Variants in HNRNPF observed in about 807,000 individuals in gnomAD.
HNRNPF encodes the protein heterogeneous nuclear ribonucleoprotein F.
Under a neutral mutation model 26.0 loss-of-function variants are expected in HNRNPF, and 2 were observed. The observed-to-expected ratio is 0.08, with a 90% CI of 0.03 to 0.24. HNRNPF has a LOEUF of 0.24. HNRNPF is among the 10% of genes least tolerant of loss of function. The pLI is 1.00. For synonymous variants in HNRNPF, 234 were observed against 211.5 expected (o/e 1.11, Z -0.92); for missense variants, 299 against 539.2 (o/e 0.55, Z 4.41).
rs60717059 is a variant in HNRNPF, at chr10:43,393,596, CAA to C, written c.-53+1032_-53+1033del. 2.1e-3 allele frequency among the ~76,000 whole-genome samples: 303 copies of C among 140,992 alleles called. 1 individual carries two copies. Among genetic ancestry groups the C allele is most frequent in the African/African-American group, 6.5e-3 (253 of 39,136 alleles). 92.5% of individuals were successfully genotyped at this position (140,992 alleles called of 152,430 possible). ...AGGCAACAGGAGCAAAACTCCATCT[CAA>C]AAAAAAAAAAAAGTTTTCCAAGCAC... On this transcript the variant is annotated intron_variant, in intron 3 of 3. Transcript: ENST00000682386.
intron 3 of HNRNPF, among the ~76,000 whole-genome samples, chr10:43,388,291 C>T (rs184187276): frequency 2.0e-5 from 3 of 152,276 alleles, no homozygotes; most frequent in Non-Finnish European, 2.9e-5. Flanking sequence ...CTAAACTATA[C>T]GCCTTACATT....
In HNRNPF at chr10:43,399,476, T is replaced by C. The variant is rs905190383; in HGVS notation, c.-246-2886A>G. On this transcript the variant is annotated intron_variant, in intron 1 of 3. Transcript: ENST00000682386. ...AAGACTTGAGCCAGGGGTTGTATTGTGCAACTGCAGCTAGGTCTGAGATCA... is the reference window on the plus strand; with the variant it reads ...AAGACTTGAGCCAGGGGTTGTATTGCGCAACTGCAGCTAGGTCTGAGATCA... 7.9e-5 allele frequency among the ~76,000 whole-genome samples: 12 copies of C among 152,336 alleles called. No individual in the cohort carries two copies. The East Asian group carries it at 1.5e-3, about 20-fold the overall frequency.
Position 43,387,321 on chromosome 10 carries a change from C to T in HNRNPF, c.564G>A (p.Gln188=), listed in dbSNP as rs757176283. The T allele has an allele frequency of 4.3e-6, 7 of 1,614,236 alleles. No homozygotes were observed. In the South Asian group the frequency reaches 7.7e-5, roughly 18 times the overall value. Reference sequence around the variant, plus strand: ...GATCTGAGTATGACCTAACTTCCTCCTGGCTGCTCTTAAACACCTCAATGT... The same window carrying T: ...GATCTGAGTATGACCTAACTTCCTCTTGGCTGCTCTTAAACACCTCAATGT... The part of the protein sequence containing the change: ...HRYIEVFKSS[Q]EEVRSYSDPP... The change falls in exon 4 of 4, where the codon CAG becomes CAA. Residue 188 remains glutamine, a synonymous_variant. Coordinates refer to ENST00000682386, the MANE Select transcript of HNRNPF (RefSeq NM_001098204.2). This position sits in a 1 kb window ranked among gnomAD's most constrained non-coding sequence, Gnocchi z 6.0.
chr10:43,398,343 TG>T lies in HNRNPF; in HGVS notation c.-246-1754del, dbSNP rs1490280357. On this transcript the variant is annotated intron_variant, in intron 1 of 3. Coordinates refer to ENST00000682386, the MANE Select transcript of HNRNPF (RefSeq NM_001098204.2). The stretch of plus-strand genomic sequence containing the variant: ...CGGCCTGTTTGGAGTTTGTTGTTGT[TG>T]TTTTTTTTTTTTTTTGAGAGACAGT... Among the ~76,000 whole-genome samples the T allele has an allele frequency of 8.1e-3, 941 of 116,068 alleles. 8 individuals are homozygous for T. Among genetic ancestry groups the T allele is most frequent in the African/African-American group, 0.037 (886 of 23,832 alleles). 76.1% of individuals were successfully genotyped at this position (116,068 alleles called of 152,430 possible).
intron 1 of HNRNPF, among the ~76,000 whole-genome samples, chr10:43,404,734 G>C (rs1168327443): frequency 6.6e-6 from 1 of 151,846 alleles, no homozygotes; most frequent in East Asian, 1.9e-4. Context: ...AGGAGGCTGA[G>C]GCAAGAGAAT....
rs1588985694 is a variant in HNRNPF at position 43,387,015 on chromosome 10, A to G, written c.870T>C (p.Cys290=). Residue 290 remains cysteine, a synonymous_variant, in exon 4 of 4, where the codon TGT becomes TGC. Coordinates refer to ENST00000682386, the MANE Select transcript of HNRNPF (RefSeq NM_001098204.2). This position sits in a 1 kb window ranked among gnomAD's most constrained non-coding sequence, Gnocchi z 6.0. ...EFTVQSTTGH[C]VHMRGLPYKA... is the part of the protein sequence containing the mutation. ...TGTACGGCAGGCCCCTCATGTGGAC[A>G]CAGTGGCCTGTGGTGCTCTGCACTG... The G allele has an allele frequency of 6.2e-7, 1 of 1,613,882 alleles. No homozygotes were observed. Among genetic ancestry groups the G allele is most frequent in the Non-Finnish European group, 8.5e-7 (1 of 1,180,034 alleles).
At chr10:43,398,498 C>T (rs1838644734) in intron 1 of HNRNPF, among the ~76,000 whole-genome samples, 1 of 151,954 alleles carries the variant, frequency 6.6e-6, no homozygotes, top group Non-Finnish European at 1.5e-5. Context: ...TGCGCTACCA[C>T]ACCCTGGCTA....
In HNRNPF at chr10:43,394,686, G is replaced by C. The variant is rs1394564037; in HGVS notation, c.-109C>G. The stretch of plus-strand genomic sequence containing the variant: ...AGACACTTCTGGATGGTAATGAAAT[G>C]TCCTAAAAAAAAAACAGAGCGATAT... On this transcript the variant is annotated splice_region_variant and 5_prime_UTR_variant, in exon 3 of 4. Transcript: ENST00000682386. 6.6e-6 allele frequency: 1 copy of C among 151,846 alleles called. No individual in the cohort carries two copies. The highest frequency in any genetic ancestry group is 1.5e-5 in the Non-Finnish European group (1 of 67,976). The allele number at this position is 151,846 out of a possible 1,614,324, so 9.4% of individuals were successfully genotyped here. A position where few individuals can be genotyped will look rare whatever the true frequency, so the allele number is the denominator to read the frequency against.
intron 1 of HNRNPF, among the ~76,000 whole-genome samples, chr10:43,408,089 T>A (rs1233575496): frequency 6.6e-6 from 1 of 151,676 alleles, no homozygotes; most frequent in Non-Finnish European, 1.5e-5. Context: ...ACGTGGCTAA[T>A]TTTTTTTTCT....
At chr10:43,394,823 C>T (rs1405874687) in intron 2 of HNRNPF, 135 bp from the exon 3 acceptor site, 1 of 152,156 alleles carries the variant, frequency 6.6e-6, no homozygotes, top group Non-Finnish European at 1.5e-5. Flanking sequence ...TTAAATCTCA[C>T]ACCCCATCCA....
chr10:43,400,784 GCTATC>G (rs1307059724), intron 1 of HNRNPF, among the ~76,000 whole-genome samples: 1 of 152,184 alleles, frequency 6.6e-6, no homozygotes, highest in East Asian at 1.9e-4. Context: ...AATACACAGA[GCTATC>G]CTAAAAGCTA....
intron 2 of HNRNPF, among the ~76,000 whole-genome samples, chr10:43,395,846 A>G (rs989213352): frequency 6.6e-6 from 1 of 151,926 alleles, no homozygotes; most frequent in Middle Eastern, 3.2e-3. Flanking sequence ...ACACCCATTT[A>G]CCCCAATGGA....
intron 1 of HNRNPF, among the ~76,000 whole-genome samples, chr10:43,407,241 C>T (rs1421964175): frequency 2.0e-5 from 3 of 151,388 alleles, no homozygotes; most frequent in African/African-American, 4.8e-5. Flanking sequence ...CCGCCGCCGC[C>T]CGTTGCCCTT....
chr10:43,405,207 A>G (rs1273885682), intron 1 of HNRNPF, among the ~76,000 whole-genome samples: 2 of 152,252 alleles, frequency 1.3e-5, no homozygotes, highest in Non-Finnish European at 2.9e-5. Context: ...TATTAATACA[A>G]TGAATCATGT....
At position 43,393,989 on chromosome 10, in the gene HNRNPF, A is replaced by G. The variant is rs78880647; in HGVS notation, c.-53+641T>C. ...CACCTTTCTCAAAGGTCTTCTCATTATCCAAATTAAGTCTCATGCTCTACA... is the reference window on the plus strand; with the variant it reads ...CACCTTTCTCAAAGGTCTTCTCATTGTCCAAATTAAGTCTCATGCTCTACA... On this transcript the variant is annotated intron_variant, in intron 3 of 3. Coordinates refer to ENST00000682386, the MANE Select transcript of HNRNPF (RefSeq NM_001098204.2). 8.5e-5 allele frequency among the ~76,000 whole-genome samples: 13 copies of G among 152,248 alleles called. No homozygotes were observed. In the East Asian group the frequency reaches 2.3e-3, roughly 27 times the overall value.
intron 2 of HNRNPF, among the ~76,000 whole-genome samples, 171 bp downstream of exon 2, chr10:43,396,285 A>G (rs775557449): frequency 1.3e-5 from 2 of 152,172 alleles, no homozygotes. Context: ...TCGAGGAAGG[A>G]TCCTGGCCTC....
chr10:43,406,515 G>A (rs1015821167), intron 1 of HNRNPF, among the ~76,000 whole-genome samples: 3 of 152,140 alleles, frequency 2.0e-5, no homozygotes, highest in African/African-American at 7.2e-5. Context: ...GGCAACATAA[G>A]GAGACCCCAT....
chr10:43,403,550 C>T (rs1023377084), intron 1 of HNRNPF, among the ~76,000 whole-genome samples: 3 of 152,078 alleles, frequency 2.0e-5, no homozygotes, highest in Admixed American at 6.6e-5. Flanking sequence ...ATATATAAAG[C>T]GATATTATGA....
Position 43,394,670 on chromosome 10 carries a change from T to C in HNRNPF, c.-93A>G, listed in dbSNP as rs549760364. 2.0e-5 allele frequency: 3 copies of C among 152,152 alleles called. No homozygotes were observed. Among genetic ancestry groups the C allele is most frequent in the African/African-American group, 4.8e-5 (2 of 41,508 alleles). 9.4% of individuals were successfully genotyped at this position (152,152 alleles called of 1,614,324 possible). On this transcript the variant is annotated 5_prime_UTR_variant, in exon 3 of 4. Transcript: ENST00000682386. ...GGATGCCTTCAGTGGGAGACACTTC[T>C]GGATGGTAATGAAATGTCCTAAAAA...
Sources: allele counts gnomAD v4.1 joint callset (sites outside exome capture counted in the v4.1 genomes callset), GRCh38; gene constraint gnomAD v4.1.1; non-coding constraint Gnocchi (gnomAD v3.1); transcripts MANE v1.5; gene names NCBI Gene and HGNC (gene_info 2026-07-23, HGNC 2026-07-21).